The following MS4A1 variants were observed in gnomAD, a reference collection of about 807,000 sequenced individuals.
MS4A1 encodes the protein B-lymphocyte antigen CD20.
MS4A1 carries 16 observed loss-of-function variants against 26.5 expected under a neutral mutation model. The ratio of observed to expected loss-of-function variants is 0.60; its 90% CI spans 0.41 to 0.92. MS4A1 has a LOEUF of 0.92. MS4A1 is among the 40% of genes least tolerant of loss of function. The pLI is 0.00. For missense variants in MS4A1, 350 were observed against 353.0 expected (o/e 0.99, Z 0.07); for synonymous variants, 128 against 117.6 (o/e 1.09, Z -0.57).
chr11:60,462,146 C>A, intron 2 of MS4A1, 39 bp from the exon 3 acceptor site: 1 of 640,904 alleles, frequency 1.6e-6, no homozygotes, highest in Non-Finnish European at 2.9e-6. Flanking sequence ...CCTGGGCCCA[C>A]ATGCTCTTCC....
intron 1 of MS4A1, among the ~76,000 whole-genome samples, chr11:60,460,578 G>C (rs1249801881): frequency 6.6e-6 from 1 of 152,172 alleles, no homozygotes; most frequent in African/African-American, 2.4e-5. Context: ...AGACAGTCTT[G>C]ATTTCCAAGA....
rs900234715 is a variant in MS4A1, at chr11:60,462,464, C to T, written c.90C>T (p.Leu30=). The T allele has an allele frequency of 1.9e-6, 3 of 1,614,104 alleles. No individual in the cohort carries two copies. The highest frequency in any genetic ancestry group is 2.5e-6 in the Non-Finnish European group (3 of 1,180,050). The change falls in exon 3 of 8, where the codon CTC becomes CTT. Residue 30 remains leucine, a synonymous_variant. Coordinates refer to ENST00000345732, the MANE Select transcript of MS4A1 (RefSeq NM_152866.3). ...PIAMQSGPKP[L]FRRMSSLVGP... is the part of the protein sequence containing the mutation. ...CTATGCAATCTGGTCCAAAACCACT[C>T]TTCAGGAGGATGTCTTCACTGGTGG...
intron 7 of MS4A1, among the ~76,000 whole-genome samples, 157 bp from the exon 8 acceptor site, chr11:60,468,093 A>T (rs73483132): frequency 1.4e-3 from 208 of 152,350 alleles, no homozygotes; most frequent in African/African-American, 4.9e-3. Flanking sequence ...TGATAAGGAT[A>T]TAAGCACCTG....
chr11:60,459,200 G>T (rs1278438650), intron 1 of MS4A1, among the ~76,000 whole-genome samples: 3 of 152,176 alleles, frequency 2.0e-5, no homozygotes, highest in Non-Finnish European at 4.4e-5. Flanking sequence ...CTTCACTAAA[G>T]TTACCCCTCT....
At chr11:60,458,051 A>T (rs1455341099) in intron 1 of MS4A1, 1 of 152,214 alleles carries the variant, frequency 6.6e-6, no homozygotes, top group African/African-American at 2.4e-5. Context: ...ACTTACAGAG[A>T]GACCACAAGA....
chr11:60,459,654 T>G (rs910909888), intron 1 of MS4A1, among the ~76,000 whole-genome samples: 2 of 152,222 alleles, frequency 1.3e-5, no homozygotes, highest in African/African-American at 2.4e-5. Flanking sequence ...TCTGTTTTTG[T>G]TAGAGGTCTT....
chr11:60,466,497 T>C (rs2086292903), intron 6 of MS4A1: 1 of 355,540 alleles, frequency 2.8e-6, no homozygotes, highest in African/African-American at 2.1e-5. Flanking sequence ...TACCATTATA[T>C]TAACTAAGAT....
chr11:60,458,644 T>A (rs1298068009), intron 1 of MS4A1, among the ~76,000 whole-genome samples: 1 of 152,234 alleles, frequency 6.6e-6, no homozygotes. Flanking sequence ...CACTAAGTCA[T>A]TGTGAACAAT....
At chr11:60,456,601 C>T (rs895287854) in intron 1 of MS4A1, among the ~76,000 whole-genome samples, 14 of 152,008 alleles carry the variant, frequency 9.2e-5, no homozygotes, top group Non-Finnish European at 1.8e-4. Context: ...TAAGAGGGGG[C>T]GCTGCAGATG....
In MS4A1 at chr11:60,461,063, T is replaced by A. The variant is rs548519892; in HGVS notation, c.-279-9T>A. On this transcript the variant is annotated splice_polypyrimidine_tract_variant and intron_variant, in intron 1 of 7. Transcript: ENST00000345732. ...ATTAAGAAGTAACTAAATCCAAAAA[T>A]TATTTTAGATCCTGAACAAGAGAGA... The A allele has an allele frequency of 6.6e-6, 1 of 151,948 alleles. No homozygotes were observed. The highest frequency in any genetic ancestry group is 1.9e-4 in the East Asian group (1 of 5,176). The allele number at this position is 151,948 out of a possible 1,614,324, so 9.4% of individuals were successfully genotyped here.
At chr11:60,466,932 C>T (rs764290208) in intron 6 of MS4A1, 27 bp from the exon 7 acceptor site, 1 of 1,600,776 alleles carries the variant, frequency 6.2e-7, no homozygotes, top group Non-Finnish European at 8.6e-7. Context: ...ATTACATTTT[C>T]ACCTTCATTC....
At chr11:60,465,727 A>AGGGG in intron 5 of MS4A1, 194 bp from the exon 6 acceptor site, 1 of 590,536 alleles carries the variant, frequency 1.7e-6, no homozygotes. Flanking sequence ...GATAGGGAAG[A>AGGGG]CTGAGAAAAG....
intron 4 of MS4A1, chr11:60,463,647 A>G (rs922449230): frequency 1.3e-5 from 5 of 372,066 alleles, no homozygotes; most frequent in Non-Finnish European, 2.8e-5. Context: ...TAGGACAGTG[A>G]TGTTTATTTC....
intron 4 of MS4A1, chr11:60,463,780 A>G (rs2086268012): frequency 4.4e-6 from 2 of 455,730 alleles, no homozygotes; most frequent in South Asian, 3.1e-5. Flanking sequence ...TGAGAAAAGG[A>G]AGATGAGCAA....
At chr11:60,460,147 G>A (rs2086236536) in intron 1 of MS4A1, among the ~76,000 whole-genome samples, 2 of 152,168 alleles carry the variant, frequency 1.3e-5, no homozygotes, top group Admixed American at 6.5e-5. Flanking sequence ...TCCAGTGGCT[G>A]AGGCAGAAGG....
chr11:60,456,256 A>C (rs114590117), intron 1 of MS4A1, among the ~76,000 whole-genome samples: 1 of 152,328 alleles, frequency 6.6e-6, no homozygotes, highest in African/African-American at 2.4e-5. Flanking sequence ...CTCTACCACT[A>C]ACAAACAATA....
intron 2 of MS4A1, among the ~76,000 whole-genome samples, chr11:60,461,564 G>GTCTCACT: frequency 1.3e-5 from 2 of 151,710 alleles, no homozygotes; most frequent in East Asian, 3.9e-4. Context: ...CTGTTACCCA[G>GTCTCACT]GCTGGAATGC....
chr11:60,461,799 C>T (rs1405796779), intron 2 of MS4A1, among the ~76,000 whole-genome samples: 1 of 150,776 alleles, frequency 6.6e-6, no homozygotes, highest in East Asian at 2.0e-4. Flanking sequence ...GGATTACAGG[C>T]ATGAGCCACC....
chr11:60,458,970 G>C lies in MS4A1; in HGVS notation c.-279-2102G>C, dbSNP rs1590842593. 4.0e-5 allele frequency among the ~76,000 whole-genome samples: 6 copies of C among 150,764 alleles called. No homozygotes were observed. In the Admixed American group the frequency reaches 4.0e-4, roughly 10 times the overall value. ...CACCATGAGATACCATTTTAACAGA[G>C]AAATATCACACACACACACACACAG... On this transcript the variant is annotated intron_variant, in intron 1 of 7. Coordinates refer to ENST00000345732, the MANE Select transcript of MS4A1 (RefSeq NM_152866.3).
Sources: gnomAD v4.1 joint callset for allele counts (sites outside exome capture counted in the v4.1 genomes callset) on GRCh38, gnomAD v4.1.1 for gene constraint, MANE v1.5 for transcripts, NCBI Gene and HGNC (gene_info 2026-07-23, HGNC 2026-07-21) for gene names.